TSPAN5: variants seen among roughly 807,000 people sequenced by gnomAD.
TSPAN5 encodes the protein tetraspanin 5, also known as tetraspanin-5.
TSPAN5 carries 10 observed loss-of-function variants against 37.1 expected under a neutral mutation model. That is an observed-to-expected ratio of 0.27 (90% CI 0.17 to 0.46). TSPAN5 has a LOEUF of 0.46. Among genes scored for constraint, TSPAN5 ranks in the 20% least tolerant of loss-of-function variants. The pLI is 1.00. For missense variants in TSPAN5, 195 were observed against 326.6 expected (o/e 0.60, Z 3.11); for synonymous variants, 110 against 118.9 (o/e 0.93, Z 0.48).
intron 1 of TSPAN5, among the ~76,000 whole-genome samples, chr4:98,626,886 G>GTTTTTT (rs34770397): frequency 1.6e-4 from 13 of 83,456 alleles, no homozygotes; most frequent in East Asian, 6.6e-4. Context: ...ATGAGAGCAG[G>GTTTTTT]TTTTTTTTTT....
intron 1 of TSPAN5, among the ~76,000 whole-genome samples, chr4:98,618,039 C>T (rs1756379033): frequency 6.6e-6 from 1 of 152,184 alleles, no homozygotes; most frequent in South Asian, 2.1e-4. Flanking sequence ...TTGTACACAA[C>T]CTTGGAGAGA....
At chr4:98,561,962 C>T (rs554929873) in intron 1 of TSPAN5, among the ~76,000 whole-genome samples, 7 of 152,274 alleles carry the variant, frequency 4.6e-5, no homozygotes, top group East Asian at 1.9e-4. Flanking sequence ...AGCAAAGGTA[C>T]GAAACAGCAT....
At chr4:98,564,123 CT>C (rs1322387120) in intron 1 of TSPAN5, among the ~76,000 whole-genome samples, 1 of 152,200 alleles carries the variant, frequency 6.6e-6, no homozygotes, top group Non-Finnish European at 1.5e-5. Flanking sequence ...AACAATTTCA[CT>C]TTTCCCCAGC....
At chr4:98,533,281 T>A (rs1754142324) in intron 1 of TSPAN5, among the ~76,000 whole-genome samples, 1 of 152,138 alleles carries the variant, frequency 6.6e-6, no homozygotes, top group Non-Finnish European at 1.5e-5. Flanking sequence ...CTCCTGTTTG[T>A]ACCTCTGGTA....
chr4:98,555,531 C>A (rs1332596630), intron 1 of TSPAN5, among the ~76,000 whole-genome samples: 1 of 152,066 alleles, frequency 6.6e-6, no homozygotes, highest in African/African-American at 2.4e-5. Flanking sequence ...TCAGCTGTCT[C>A]CCCTAGTAGG....
At chr4:98,503,688 T>C (rs1753408664) in intron 2 of TSPAN5, among the ~76,000 whole-genome samples, 1 of 152,204 alleles carries the variant, frequency 6.6e-6, no homozygotes. Flanking sequence ...CAGTGTATTA[T>C]TTTAGGTATA....
chr4:98,658,533 G>A lies in TSPAN5; in HGVS notation c.-307C>T, dbSNP rs1288031562. 5.3e-6 allele frequency: 1 copy of A among 189,866 alleles called. No individual in the cohort carries two copies. The highest frequency in any genetic ancestry group is 1.1e-5 in the Non-Finnish European group (1 of 93,408). 11.8% of individuals were successfully genotyped at this position (189,866 alleles called of 1,614,324 possible). A position where few individuals can be genotyped will look rare whatever the true frequency, so the allele number is the denominator to read the frequency against. On this transcript the variant is annotated 5_prime_UTR_variant, in exon 1 of 8. Transcript: ENST00000305798. ...AGCGAGCGCCCGCGTCCGTGCGCCA[G>A]GCGGTCGGTCCGTCGGTTCGTCCCC...
intron 1 of TSPAN5, among the ~76,000 whole-genome samples, chr4:98,632,642 G>T (rs1370088050): frequency 2.6e-5 from 4 of 152,214 alleles, no homozygotes; most frequent in Non-Finnish European, 5.9e-5. Flanking sequence ...CCCTCTGGAA[G>T]TTGACTGCCT....
chr4:98,505,005 T>A (rs1235950437), intron 2 of TSPAN5, among the ~76,000 whole-genome samples: 2 of 151,978 alleles, frequency 1.3e-5, no homozygotes, highest in Non-Finnish European at 2.9e-5. Context: ...AGAAATAATC[T>A]CTCTTGTCTC....
At chr4:98,526,357 G>A (rs966287324) in intron 1 of TSPAN5, among the ~76,000 whole-genome samples, 2 of 152,184 alleles carry the variant, frequency 1.3e-5, no homozygotes, top group South Asian at 4.1e-4. Context: ...CATGGCGAGA[G>A]GCAACCCGCT....
chr4:98,579,043 A>G (rs1560544992), intron 1 of TSPAN5, among the ~76,000 whole-genome samples: 2 of 152,156 alleles, frequency 1.3e-5, no homozygotes, highest in Non-Finnish European at 2.9e-5. Flanking sequence ...ATACCAAGGA[A>G]ATAGGAAGAC....
intron 1 of TSPAN5, among the ~76,000 whole-genome samples, chr4:98,551,066 T>C (rs914276277): frequency 3.9e-5 from 6 of 152,324 alleles, no homozygotes; most frequent in African/African-American, 1.4e-4. Context: ...GTGTCTCGTA[T>C]GTTGAAGACT....
intron 1 of TSPAN5, among the ~76,000 whole-genome samples, chr4:98,583,172 G>A (rs1755407780): frequency 6.6e-6 from 1 of 152,104 alleles, no homozygotes; most frequent in Non-Finnish European, 1.5e-5. Flanking sequence ...CATTTTATCA[G>A]TTTAGTCCGA....
At chr4:98,508,480 G>C (rs561493792) in intron 1 of TSPAN5, among the ~76,000 whole-genome samples, 22 of 151,694 alleles carry the variant, frequency 1.5e-4, no homozygotes, top group Non-Finnish European at 3.1e-4. Context: ...GCCAGGAGAG[G>C]AACAGGTGAT....
intron 1 of TSPAN5, among the ~76,000 whole-genome samples, chr4:98,561,611 T>C (rs750493191): frequency 2.0e-5 from 3 of 152,094 alleles, no homozygotes; most frequent in African/African-American, 7.2e-5. Context: ...GGTAGGATGG[T>C]TGGGGTGGAT....
intron 1 of TSPAN5, among the ~76,000 whole-genome samples, chr4:98,579,837 A>G (rs1026212224): frequency 6.6e-6 from 1 of 152,220 alleles, no homozygotes; most frequent in African/African-American, 2.4e-5. Context: ...AAAGACAGCA[A>G]ATAATTTGGT....
intron 2 of TSPAN5, among the ~76,000 whole-genome samples, chr4:98,503,170 G>A (rs1753394735): frequency 6.6e-6 from 1 of 152,054 alleles, no homozygotes; most frequent in Non-Finnish European, 1.5e-5. Flanking sequence ...CATAGGTGAG[G>A]TGGATGGGGT....
At chr4:98,613,652 G>C (rs556549996) in intron 1 of TSPAN5, among the ~76,000 whole-genome samples, 1 of 151,110 alleles carries the variant, frequency 6.6e-6, no homozygotes, top group South Asian at 2.1e-4. Flanking sequence ...AAATTCTCTA[G>C]TCCCTATTGT....
intron 1 of TSPAN5, among the ~76,000 whole-genome samples, chr4:98,525,949 T>C (rs1753951891): frequency 6.6e-6 from 1 of 152,242 alleles, no homozygotes; most frequent in African/African-American, 2.4e-5. Context: ...TATTTTCTCA[T>C]TGTAGATGAA....
Sources: gnomAD v4.1 joint callset for allele counts (sites outside exome capture counted in the v4.1 genomes callset) on GRCh38, gnomAD v4.1.1 for gene constraint, MANE v1.5 for transcripts, NCBI Gene and HGNC (gene_info 2026-07-23, HGNC 2026-07-21) for gene names.